The following RAP1GAP2 variants were observed in gnomAD, a reference collection of about 807,000 sequenced individuals.
The protein encoded by RAP1GAP2 is RAP1 GTPase activating protein 2, also known as rap1 GTPase-activating protein 2.
RAP1GAP2 carries 27 observed loss-of-function variants against 95.0 expected under a neutral mutation model. That is an observed-to-expected ratio of 0.28 (90% CI 0.21 to 0.39). The LOEUF is 0.39. RAP1GAP2 is among the 10% of genes least tolerant of loss of function. RAP1GAP2 has a pLI of 1.00. For synonymous variants in RAP1GAP2, 373 were observed against 380.9 expected, an observed-to-expected ratio of 0.98 and a Z score of 0.24; for missense variants, 771 against 970.0, an observed-to-expected ratio of 0.79 and a Z score of 2.72.
intron 1 of RAP1GAP2, among the ~76,000 whole-genome samples, chr17:2,799,254 C>A (rs1264186178): frequency 6.6e-6 from 1 of 152,114 alleles, no homozygotes; most frequent in Non-Finnish European, 1.5e-5. Flanking sequence ...CAGGGTGAGA[C>A]CCTCAGGGAC....
chr17:2,991,680 A>G (rs1319883791), intron 12 of RAP1GAP2, among the ~76,000 whole-genome samples: 88 of 152,226 alleles, frequency 5.8e-4, no homozygotes, highest in Non-Finnish European at 1.5e-5. Flanking sequence ...GAAGGAATCC[A>G]CCTTCCCTGT....
At chr17:2,882,582 G>A (rs533897420) in intron 2 of RAP1GAP2, among the ~76,000 whole-genome samples, 112 of 152,214 alleles carry the variant, frequency 7.4e-4, no homozygotes, top group Admixed American at 1.2e-3. Context: ...GCGCCACCAC[G>A]CCTGGCTAAT....
chr17:2,778,007 TGGGAGGCG>T (rs57382056), intron 1 of RAP1GAP2, among the ~76,000 whole-genome samples: 11,156 of 40,870 alleles, frequency 0.27, 1,473 homozygotes, highest in East Asian at 0.54. Flanking sequence ...GCTGGGAGGC[TGGGAGGCG>T]GGGAGGCTGG....
chr17:2,764,715 C>T (rs1232248151), intron 1 of RAP1GAP2, among the ~76,000 whole-genome samples: 8 of 151,806 alleles, frequency 5.3e-5, no homozygotes, highest in Non-Finnish European at 1.2e-4. Context: ...AACGAGACTC[C>T]GTCTCAAAAA....
chr17:2,779,752 G>A (rs1042062081), intron 1 of RAP1GAP2, among the ~76,000 whole-genome samples: 11 of 149,792 alleles, frequency 7.3e-5, no homozygotes, highest in Non-Finnish European at 1.6e-4. Flanking sequence ...ACGGTCATGG[G>A]CATGGGTCTG....
chr17:2,757,617 AGT>A (rs2071170613), intron 1 of RAP1GAP2, among the ~76,000 whole-genome samples: 1 of 151,810 alleles, frequency 6.6e-6, no homozygotes. Context: ...GTCTCCATAG[AGT>A]GTTGATCTGG....
chr17:2,969,496 C>CTTTTTTTTTTTTTTTTTTTTTTTTTTTTT (rs34468461), intron 8 of RAP1GAP2, among the ~76,000 whole-genome samples: 10 of 83,782 alleles, frequency 1.2e-4, no homozygotes, highest in African/African-American at 4.1e-4. Flanking sequence ...TATATATATT[C>CTTTTTTTTTTTTTTTTTTTTTTTTTTTTT]TTTTTTTTTT....
intron 2 of RAP1GAP2, among the ~76,000 whole-genome samples, chr17:2,809,031 C>A (rs1325020947): frequency 6.6e-6 from 1 of 152,098 alleles, no homozygotes; most frequent in Non-Finnish European, 1.5e-5. Flanking sequence ...GGCTTGATTT[C>A]ATTACCAGGC....
chr17:2,911,446 G>C (rs2042378794), intron 3 of RAP1GAP2, among the ~76,000 whole-genome samples: 1 of 151,176 alleles, frequency 6.6e-6, no homozygotes, highest in South Asian at 2.1e-4. Context: ...ATTTTTTTTT[G>C]GAAGCTGATT....
At chr17:2,809,701 G>A (rs906677097) in intron 2 of RAP1GAP2, among the ~76,000 whole-genome samples, 3 of 152,204 alleles carry the variant, frequency 2.0e-5, no homozygotes, top group African/African-American at 7.2e-5. Context: ...CAAGGCCGGG[G>A]AAGAATTGCT....
chr17:2,948,507 T>A (rs1223007531), intron 3 of RAP1GAP2, among the ~76,000 whole-genome samples: 1 of 151,628 alleles, frequency 6.6e-6, no homozygotes, highest in Admixed American at 6.6e-5. Flanking sequence ...TGTGTAGAGC[T>A]GCTGTGGACC....
intron 8 of RAP1GAP2, among the ~76,000 whole-genome samples, chr17:2,975,999 C>T (rs1395011394): frequency 6.6e-6 from 1 of 152,156 alleles, no homozygotes; most frequent in East Asian, 1.9e-4. Context: ...TTTTCATCAC[C>T]CTGATGTTCC....
intron 1 of RAP1GAP2, among the ~76,000 whole-genome samples, chr17:2,766,750 G>A (rs537901551): frequency 1.3e-5 from 2 of 152,192 alleles, no homozygotes; most frequent in Non-Finnish European, 2.9e-5. Flanking sequence ...AGGCACTGGC[G>A]CCTCAACCTT....
chr17:2,911,158 C>G (rs1277525752), intron 3 of RAP1GAP2, among the ~76,000 whole-genome samples: 1 of 152,154 alleles, frequency 6.6e-6, no homozygotes, highest in Non-Finnish European at 1.5e-5. Context: ...GCCTGAGAGT[C>G]TCTGCCGCGC....
At chr17:2,952,042 T>TAAAAC (rs2043944018) in intron 3 of RAP1GAP2, among the ~76,000 whole-genome samples, 1 of 151,380 alleles carries the variant, frequency 6.6e-6, no homozygotes, top group Non-Finnish European at 1.5e-5. Flanking sequence ...TCAGAAAAAA[T>TAAAAC]AAAATAAAAT....
intron 1 of RAP1GAP2, among the ~76,000 whole-genome samples, chr17:2,767,412 T>C (rs2068297977): frequency 6.9e-6 from 1 of 144,972 alleles, no homozygotes; most frequent in Admixed American, 6.9e-5. Flanking sequence ...ATCTCTCTCC[T>C]GTGTGAGAAG....
intron 2 of RAP1GAP2, among the ~76,000 whole-genome samples, chr17:2,884,597 C>T (rs1018249967): frequency 6.6e-6 from 1 of 151,968 alleles, no homozygotes; most frequent in African/African-American, 2.4e-5. Context: ...TGGTCTCAAA[C>T]TCCTGACCTC....
At chr17:2,964,246 C>T (rs1392467107) in intron 7 of RAP1GAP2, among the ~76,000 whole-genome samples, 178 bp downstream of exon 7, 3 of 89,316 alleles carry the variant, frequency 3.4e-5, no homozygotes, top group Admixed American at 1.2e-4. Context: ...GAGGAGCTGC[C>T]GGGGATGGGG....
At chr17:2,805,516 C>T (rs2069477424) in intron 2 of RAP1GAP2, among the ~76,000 whole-genome samples, 1 of 151,886 alleles carries the variant, frequency 6.6e-6, no homozygotes, top group Admixed American at 6.6e-5. Flanking sequence ...CCACCACGCC[C>T]AGCTATTATT....
Sources: gnomAD v4.1 joint callset for allele counts (sites outside exome capture counted in the v4.1 genomes callset) on GRCh38, gnomAD v4.1.1 for gene constraint, MANE v1.5 for transcripts, NCBI Gene and HGNC (gene_info 2026-07-23, HGNC 2026-07-21) for gene names.